The following DBX2 variants were observed in gnomAD, a reference collection of about 807,000 sequenced individuals.
DBX2 encodes the protein developing brain homeobox 2.
Under a neutral mutation model 17.7 loss-of-function variants are expected in DBX2, and 16 were observed. That is an observed-to-expected ratio of 0.90 (90% CI 0.61 to 1.37). DBX2 has a LOEUF of 1.37. DBX2 is among the 40% of genes most tolerant of loss of function. The pLI, the probability that DBX2 is intolerant of heterozygous loss-of-function variation, is 0.00. For missense variants in DBX2, 538 were observed against 433.8 expected (o/e 1.24, Z -2.13); for synonymous variants, 255 against 183.8 (o/e 1.39, Z -3.13).
intron 3 of DBX2, among the ~76,000 whole-genome samples, chr12:45,019,104 A>G (rs1946337970): frequency 6.6e-6 from 1 of 152,058 alleles, no homozygotes; most frequent in Admixed American, 6.6e-5. Context: ...ACTTAATGTC[A>G]CTGAACTGAA....
chr12:45,050,823 G>A lies in DBX2; in HGVS notation c.105C>T (p.Gly35=). ...GCAAATTCTCGATCAGGAAACTCTT[G>A]CCCAGGTTGCCAAAGCCGGGCGCAG... is the stretch of plus-strand genomic sequence containing the variant. The part of the protein sequence containing the change: ...LPAAPGFGNL[G]KSFLIENLLR... The change falls in exon 1 of 4, where the codon GGC becomes GGT. Residue 35 remains glycine (G), a synonymous_variant. Transcript: ENST00000332700. 2.0e-6 allele frequency: 3 copies of A among 1,538,372 alleles called. No homozygotes were observed. Among genetic ancestry groups the A allele is most frequent in the Non-Finnish European group, 2.6e-6 (3 of 1,144,908 alleles).
chr12:45,022,297 T>TG (rs1438085882), intron 3 of DBX2, among the ~76,000 whole-genome samples: 6 of 114,274 alleles, frequency 5.3e-5, no homozygotes, highest in African/African-American at 1.7e-4. Flanking sequence ...CAATAATAAC[T>TG]GTTTTTTTTT....
At chr12:45,044,158 T>C (rs1250440755) in intron 1 of DBX2, among the ~76,000 whole-genome samples, 2 of 152,324 alleles carry the variant, frequency 1.3e-5, no homozygotes, top group East Asian at 1.9e-4. Flanking sequence ...GACTATTCAA[T>C]AGAAAAGCAG....
intron 1 of DBX2, among the ~76,000 whole-genome samples, chr12:45,044,050 T>A (rs1946485934): frequency 6.6e-6 from 1 of 152,182 alleles, no homozygotes; most frequent in South Asian, 2.1e-4. Flanking sequence ...TTTAACCAAT[T>A]TGCCATTTAC....
At chr12:45,029,735 T>A (rs916822606) in intron 2 of DBX2, among the ~76,000 whole-genome samples, 10 of 151,744 alleles carry the variant, frequency 6.6e-5, no homozygotes, top group African/African-American at 9.7e-5. Flanking sequence ...TGGCGGTGCG[T>A]GCCCGTAATC....
At chr12:45,050,298 G>A (rs1411806198) in intron 1 of DBX2, among the ~76,000 whole-genome samples, 1 of 152,206 alleles carries the variant, frequency 6.6e-6, no homozygotes, top group Non-Finnish European at 1.5e-5. Context: ...CAAAGAAGCT[G>A]GTGGAATGGG....
intron 3 of DBX2, among the ~76,000 whole-genome samples, chr12:45,017,884 T>G (rs1218940480): frequency 6.6e-6 from 1 of 152,214 alleles, no homozygotes; most frequent in Non-Finnish European, 1.5e-5. Context: ...TAGAAAATTT[T>G]TACCCAAAGA....
intron 1 of DBX2, among the ~76,000 whole-genome samples, chr12:45,043,110 CCA>C: frequency 6.6e-6 from 1 of 152,280 alleles, no homozygotes; most frequent in South Asian, 2.1e-4. Context: ...TTGGTCTACT[CCA>C]GCAGAAGACA....
chr12:45,030,757 A>T lies in DBX2; in HGVS notation c.499+5262T>A, dbSNP rs185733646. On this transcript the variant is annotated intron_variant, in intron 2 of 3. Coordinates refer to ENST00000332700, the MANE Select transcript of DBX2 (RefSeq NM_001004329.3). ...CCCCCAACTTTGTAAGGAAAATGAT[A>T]GCGTAAGTCTATGAAGCACCACTGA... Among the ~76,000 whole-genome samples, 900 of 150,928 alleles carry T rather than the reference A, an allele frequency of 6.0e-3. 14 individuals carry two copies. Among genetic ancestry groups the T allele is most frequent in the African/African-American group, 0.021 (860 of 40,212 alleles).
chr12:45,037,267 G>T (rs1023914124), intron 1 of DBX2, among the ~76,000 whole-genome samples: 1 of 152,166 alleles, frequency 6.6e-6, no homozygotes, highest in African/African-American at 2.4e-5. Flanking sequence ...TCATAGAATA[G>T]GTTTAATACA....
chr12:45,037,389 A>C (rs1292828840), intron 1 of DBX2, among the ~76,000 whole-genome samples: 1 of 152,162 alleles, frequency 6.6e-6, no homozygotes, highest in Non-Finnish European at 1.5e-5. Flanking sequence ...GTAAATGAAC[A>C]AATGGTCTTC....
chr12:45,036,227 T>C, intron 1 of DBX2, 113 bp from the exon 2 acceptor site: 3 of 971,862 alleles, frequency 3.1e-6, no homozygotes, highest in Non-Finnish European at 4.3e-6. Context: ...TTAATTTGTA[T>C]TGAAATTAAA....
At chr12:45,027,279 T>C (rs568552937) in intron 2 of DBX2, among the ~76,000 whole-genome samples, 7 of 152,314 alleles carry the variant, frequency 4.6e-5, no homozygotes, top group African/African-American at 1.7e-4. Flanking sequence ...TTTACAAGAA[T>C]CATATGCCAC....
At chr12:45,043,467 T>C (rs1475090673) in intron 1 of DBX2, among the ~76,000 whole-genome samples, 1 of 152,188 alleles carries the variant, frequency 6.6e-6, no homozygotes, top group Non-Finnish European at 1.5e-5. Flanking sequence ...TGTTCTCCCT[T>C]TCAGAATCCA....
intron 1 of DBX2, among the ~76,000 whole-genome samples, chr12:45,043,440 G>T (rs1049470194): frequency 7.9e-5 from 12 of 152,146 alleles, no homozygotes. Flanking sequence ...ATGGGTTTTT[G>T]GAATGTGTGC....
chr12:45,045,991 A>G (rs1367051095), intron 1 of DBX2, among the ~76,000 whole-genome samples: 1 of 152,122 alleles, frequency 6.6e-6, no homozygotes, highest in Non-Finnish European at 1.5e-5. Flanking sequence ...AAACCTTCTT[A>G]TTTGCCTGCT....
At position 45,038,641 on chromosome 12, in the gene DBX2, T is replaced by A. The variant is rs192646035; in HGVS notation, c.404-2527A>T. On this transcript the variant is annotated intron_variant, in intron 1 of 3. Coordinates refer to ENST00000332700, the MANE Select transcript of DBX2 (RefSeq NM_001004329.3). ...GTGGGAAAATAAAATATTTTAAAAATGGATGGTTTACTTAAAATAAATGAT... is the reference window on the plus strand; with the variant it reads ...GTGGGAAAATAAAATATTTTAAAAAAGGATGGTTTACTTAAAATAAATGAT... 3.0e-4 allele frequency among the ~76,000 whole-genome samples: 43 copies of A among 141,752 alleles called. 1 individual carries two copies. Among genetic ancestry groups the A allele is most frequent in the African/African-American group, 1.2e-3 (39 of 32,820 alleles). The allele number at this position is 141,752 out of a possible 152,430, so 93.0% of individuals were successfully genotyped here. A position where few individuals can be genotyped will look rare whatever the true frequency, so the allele number is the denominator to read the frequency against.
chr12:45,050,916 G>T lies in DBX2; in HGVS notation c.12C>A (p.Ser4Arg). ...ACGCACCGGCGTGGGCTGCGACCGC[G>T]CTGGGGAGCATAGTGCGGCGCCAAC... is the stretch of plus-strand genomic sequence containing the variant. MLP[S>R]AVAAHAGAYW... is the part of the protein sequence containing the mutation. Residue 4 changes from serine (S) to arginine (R), a missense_variant, in exon 1 of 4, where the codon AGC (serine) becomes AGA (arginine). Coordinates refer to ENST00000332700, the MANE Select transcript of DBX2 (RefSeq NM_001004329.3). 1 of 1,497,424 alleles carries T rather than the reference G, an allele frequency of 6.7e-7. No homozygotes were observed. Among genetic ancestry groups the T allele is most frequent in the Non-Finnish European group, 8.9e-7 (1 of 1,124,000 alleles). 92.8% of individuals were successfully genotyped at this position (1,497,424 alleles called of 1,614,324 possible).
At position 45,022,822 on chromosome 12, in the gene DBX2, G is replaced by A. The variant is rs573824277; in HGVS notation, c.687+885C>T. Among the ~76,000 whole-genome samples, 6 of 152,220 alleles carry A rather than the reference G, an allele frequency of 3.9e-5. No homozygotes were observed. In the East Asian group the frequency reaches 7.7e-4, roughly 20 times the overall value. ...CCGCCACTATCCCTTTTGGCCAGAC[G>A]CCTTTGTACAGTGAACTCTATGCAC... On this transcript the variant is annotated intron_variant, in intron 3 of 3. Transcript: ENST00000332700.
Sources: allele counts gnomAD v4.1 joint callset (sites outside exome capture counted in the v4.1 genomes callset), GRCh38; gene constraint gnomAD v4.1.1; transcripts MANE v1.5; gene names NCBI Gene and HGNC (gene_info 2026-07-23, HGNC 2026-07-21).